The following CFH variants were observed in gnomAD, a reference collection of about 807,000 sequenced individuals.
CFH encodes complement factor H, also known as H factor 1 (complement).
Under a neutral mutation model 147.3 loss-of-function variants are expected in CFH, and 53 were observed. The observed-to-expected ratio is 0.36, with a 90% confidence interval of 0.29 to 0.45. CFH has a LOEUF of 0.45. Ranked by LOEUF, CFH falls within the 20% of genes least tolerant of loss-of-function variation. CFH has a pLI of 1.00. For missense variants in CFH, 1,380 were observed against 1,498.0 expected (o/e 0.92, Z 1.30); for synonymous variants, 536 against 489.4 (o/e 1.10, Z -1.26).
Position 196,676,082 on chromosome 1 carries a change from T to A in CFH, c.427+17T>A. On this transcript the variant is annotated intron_variant, in intron 4 of 21. Coordinates refer to ENST00000367429, the MANE Select transcript of CFH (RefSeq NM_000186.4). ...TATGTGAAGGTAGACATAAAATGTA[T>A]TTACAAGTATATTGAAATAAATATC... The A allele has an allele frequency of 1.4e-6, 2 of 1,451,376 alleles. No homozygotes were observed. Among genetic ancestry groups the A allele is most frequent in the Non-Finnish European group, 9.6e-7 (1 of 1,037,382 alleles). The allele number at this position is 1,451,376 out of a possible 1,614,324, so 89.9% of individuals were successfully genotyped here. A position where few individuals can be genotyped will look rare whatever the true frequency, so the allele number is the denominator to read the frequency against.
intron 14 of CFH, 52 bp from the exon 15 acceptor site, chr1:196,728,290 ATAGT>A (rs1218982613): frequency 1.8e-6 from 2 of 1,138,794 alleles, no homozygotes; most frequent in African/African-American, 1.6e-5. Flanking sequence ...TTTTTATGTA[ATAGT>A]TGGTTTGATT....
intron 1 of CFH, among the ~76,000 whole-genome samples, chr1:196,658,308 T>C (rs1023995174): frequency 1.3e-5 from 2 of 151,602 alleles, no homozygotes; most frequent in African/African-American, 4.9e-5. Context: ...AGCGTACTGG[T>C]GCAATCATGG....
intron 14 of CFH, among the ~76,000 whole-genome samples, chr1:196,727,338 T>C (rs1401906051): frequency 1.3e-5 from 2 of 151,792 alleles, no homozygotes. Context: ...CCCATCTCTA[T>C]AAAAAAAATT....
Position 196,726,847 on chromosome 1 carries a change from G to C in CFH, c.2143G>C (p.Val715Leu). The C allele has an allele frequency of 6.2e-7, 1 of 1,613,812 alleles. No individual in the cohort carries two copies. The highest frequency in any genetic ancestry group is 1.3e-5 in the African/African-American group (1 of 75,006). Residue 715 changes from valine to leucine, a missense_variant, in exon 14 of 22, where the codon GTG becomes CTG. By Grantham distance (32) the Val-to-Leu change is conservative (BLOSUM62 1). Around this residue, in one of 4 missense-constraint regions of CFH, gnomAD observed 830 missense variants for 821.4 expected, o/e 1.01. Transcript: ENST00000367429. ...SSPPYYYGDSVEFNCSESFTM... is the reference protein window; with the variant it reads ...SSPPYYYGDSLEFNCSESFTM... ...CCCTCCTTATTACTATGGAGATTCA[G>C]TGGAATTCAATTGCTCAGAATCATT...
intron 20 of CFH, among the ~76,000 whole-genome samples, 200 bp downstream of exon 20, chr1:196,743,828 T>C (rs1419835833): frequency 6.6e-6 from 1 of 152,018 alleles, no homozygotes; most frequent in East Asian, 1.9e-4. Context: ...TTCGACCAAA[T>C]TGAGAGTTGG....
Position 196,685,162 on chromosome 1 carries a change from G to A in CFH, c.889G>A (p.Gly297Ser), listed in dbSNP as rs764573258. ...TGAAATCACGTACCAGTGTAGAAATGGTTTTTATCCTGCAACCCGGGGAAA... is the reference window on the plus strand; with the variant it reads ...TGAAATCACGTACCAGTGTAGAAATAGTTTTTATCCTGCAACCCGGGGAAA... Reference protein sequence around the residue: ...GDEITYQCRNGFYPATRGNTA... With the variant: ...GDEITYQCRNSFYPATRGNTA... The change falls in exon 7 of 22, where the codon GGT (glycine) becomes AGT (serine). Residue 297 changes from glycine (G) to serine (S), a missense_variant. Coordinates refer to ENST00000367429, the MANE Select transcript of CFH (RefSeq NM_000186.4). 10 of 1,612,930 alleles carry A rather than the reference G, an allele frequency of 6.2e-6. No homozygotes were observed. In the Admixed American group the frequency reaches 1.3e-4, roughly 22 times the overall value.
At chr1:196,742,225 A>T (rs1224394817) in intron 19 of CFH, among the ~76,000 whole-genome samples, 174 bp downstream of exon 19, 1 of 152,104 alleles carries the variant, frequency 6.6e-6, no homozygotes, top group African/African-American at 2.4e-5. Flanking sequence ...AAATACAAAA[A>T]AATAGTGGGG....
chr1:196,672,171 G>A (rs566152618), intron 1 of CFH, among the ~76,000 whole-genome samples: 3 of 152,092 alleles, frequency 2.0e-5, no homozygotes, highest in South Asian at 4.2e-4. Context: ...CTTATGTTTG[G>A]TTCTTTCTTA....
chr1:196,732,879 A>C (rs546983963), intron 15 of CFH, among the ~76,000 whole-genome samples: 29 of 152,186 alleles, frequency 1.9e-4, no homozygotes, highest in African/African-American at 6.5e-4. Flanking sequence ...GTATTACACC[A>C]AGTAAAGAAT....
In CFH at chr1:196,740,768, T is replaced by G. The variant is rs141804786; in HGVS notation, c.2932T>G (p.Trp978Gly). 1 of 1,614,002 alleles carries G rather than the reference T, an allele frequency of 6.2e-7. No homozygotes were observed. Among genetic ancestry groups the G allele is most frequent in the Non-Finnish European group, 8.5e-7 (1 of 1,179,952 alleles). Residue 978 changes from tryptophan (W) to glycine (G), a missense_variant, in exon 18 of 22, where the codon TGG becomes GGG. By Grantham distance (184) the Trp-to-Gly change is radical. This residue lies in a region of CFH where 830 missense variants were observed against 821.4 expected (regional missense o/e 1.01). Transcript: ENST00000367429. Reference sequence around the variant, plus strand: ...AATTGCAAAATGCTTAGGAGAAAAATGGTCTCACCCTCCATCATGCATAAG... The same window carrying G: ...AATTGCAAAATGCTTAGGAGAAAAAGGGTCTCACCCTCCATCATGCATAAG... Reference protein sequence around the residue: ...PAIAKCLGEKWSHPPSCIKTD... With the variant: ...PAIAKCLGEKGSHPPSCIKTD...
chr1:196,742,202 C>T, intron 19 of CFH, 151 bp downstream of exon 19: 1 of 671,782 alleles, frequency 1.5e-6, no homozygotes, highest in Non-Finnish European at 2.6e-6. Context: ...TGGTGAAAAC[C>T]CGTCTCTACT....
intron 19 of CFH, among the ~76,000 whole-genome samples, chr1:196,742,575 G>A (rs549107138): frequency 6.6e-6 from 1 of 152,272 alleles, no homozygotes; most frequent in Admixed American, 6.5e-5. Flanking sequence ...TAGCTCAATA[G>A]TTCTCAAAGT....
chr1:196,700,680 A>T (rs1307704549), intron 9 of CFH: 1 of 237,326 alleles, frequency 4.2e-6, no homozygotes, highest in Non-Finnish European at 6.8e-6. Context: ...AAAAGAAAAA[A>T]AAATTCATGG....
chr1:196,718,998 C>T (rs1468879550), intron 11 of CFH, among the ~76,000 whole-genome samples: 1 of 151,874 alleles, frequency 6.6e-6, no homozygotes, highest in Admixed American at 6.6e-5. Context: ...TTCAAGTGTC[C>T]TAGGAGGTCT....
At chr1:196,728,692 T>C (rs1392276112) in intron 15 of CFH, among the ~76,000 whole-genome samples, 170 bp downstream of exon 15, 1 of 151,606 alleles carries the variant, frequency 6.6e-6, no homozygotes, top group Non-Finnish European at 1.5e-5. Flanking sequence ...CTGTGCCCTG[T>C]GAATTAGTTA....
chr1:196,711,592 T>C lies in CFH; in HGVS notation c.1337-2143T>C, dbSNP rs1264820926. 2.0e-5 allele frequency among the ~76,000 whole-genome samples: 3 copies of C among 152,176 alleles called. No individual in the cohort carries two copies. The East Asian group carries it at 5.8e-4, about 29-fold the overall frequency. On this transcript the variant is annotated intron_variant, in intron 9 of 21. Transcript: ENST00000367429. ...TTTTTTTTTAAGTTTAGGTTTGTTT[T>C]GGGTCAACTTAGTTCTTTCAAGGCT... is the stretch of plus-strand genomic sequence containing the variant.
Position 196,671,587 on chromosome 1 carries a change from TACACAC to T in CFH, c.59-1357_59-1352del, listed in dbSNP as rs551313147. Among the ~76,000 whole-genome samples the T allele has an allele frequency of 3.4e-3, 443 of 129,514 alleles. 2 individuals carry two copies. The highest frequency in any genetic ancestry group is 0.031 in the East Asian group (146 of 4,664). 85.0% of individuals were successfully genotyped at this position (129,514 alleles called of 152,430 possible). Reference sequence around the variant, plus strand: ...GGTTTCTTCTATCTCAAAAGACTAATACACACACACACACACACACACACACACACA... The same window carrying T: ...GGTTTCTTCTATCTCAAAAGACTAATACACACACACACACACACACACACA... On this transcript the variant is annotated intron_variant, in intron 1 of 21. Transcript: ENST00000367429.
At chr1:196,683,887 A>G (rs1457799691) in intron 6 of CFH, among the ~76,000 whole-genome samples, 1 of 151,848 alleles carries the variant, frequency 6.6e-6, no homozygotes, top group African/African-American at 2.4e-5. Flanking sequence ...ACTATGGATC[A>G]TTTACCATGG....
chr1:196,714,668 T>TATATATATAGAGAG (rs1362376856), intron 10 of CFH, among the ~76,000 whole-genome samples: 3 of 21,310 alleles, frequency 1.4e-4, no homozygotes, highest in Admixed American at 7.9e-4. Flanking sequence ...TATATATATA[T>TATATATATAGAGAG]AGAGAGAGAG....
Sources: allele counts gnomAD v4.1 joint callset (sites outside exome capture counted in the v4.1 genomes callset), GRCh38; gene constraint gnomAD v4.1.1; regional missense constraint gnomAD v4.1.1; transcripts MANE v1.5; gene names NCBI Gene and HGNC (gene_info 2026-07-23, HGNC 2026-07-21).